The following SLC22A24 variants were observed in gnomAD, a reference collection of about 807,000 sequenced individuals.
SLC22A24 encodes steroid transmembrane transporter SLC22A24.
Under a neutral mutation model 49.8 loss-of-function variants are expected in SLC22A24, and 53 were observed. That is an observed-to-expected ratio of 1.06 (90% CI 0.85 to 1.34). The LOEUF is 1.34. Ranked by LOEUF, SLC22A24 falls within the 40% of genes most tolerant of loss-of-function variation. SLC22A24 has a pLI of 0.00. For synonymous variants in SLC22A24, 302 were observed against 256.4 expected (o/e 1.18, Z -1.70); for missense variants, 786 against 675.9 (o/e 1.16, Z -1.81).
At chr11:63,127,631 C>A (rs1439044749) in intron 2 of SLC22A24, among the ~76,000 whole-genome samples, 2 of 152,218 alleles carry the variant, frequency 1.3e-5, no homozygotes, top group Non-Finnish European at 2.9e-5. Context: ...CACATCCTCT[C>A]CAGCACCTGT....
intron 2 of SLC22A24, among the ~76,000 whole-genome samples, chr11:63,134,312 C>G (rs2087357880): frequency 6.6e-6 from 1 of 152,122 alleles, no homozygotes; most frequent in East Asian, 1.9e-4. Flanking sequence ...AGACCCGAAG[C>G]ACCTCCTGCC....
chr11:63,131,735 G>A (rs908472849), intron 2 of SLC22A24, among the ~76,000 whole-genome samples: 3 of 152,064 alleles, frequency 2.0e-5, no homozygotes, highest in Non-Finnish European at 4.4e-5. Flanking sequence ...TTCTACCTTG[G>A]TGAATCTGAC....
intron 4 of SLC22A24, among the ~76,000 whole-genome samples, chr11:63,112,498 G>A (rs2087173437): frequency 6.6e-6 from 1 of 151,986 alleles, no homozygotes; most frequent in Non-Finnish European, 1.5e-5. Context: ...TCTCTTTGTA[G>A]GTCTTCTTTC....
Position 63,088,960 on chromosome 11 carries a change from G to A in SLC22A24, c.1071-5503C>T, listed in dbSNP as rs555998599. 1.3e-4 allele frequency among the ~76,000 whole-genome samples: 20 copies of A among 152,260 alleles called. No homozygotes were observed. The East Asian group carries it at 3.9e-3, about 29-fold the overall frequency. On this transcript the variant is annotated intron_variant, in intron 6 of 9. Transcript: ENST00000612278. ...CAACCTACGATAAATTGGTGTCCCT[G>A]AAAATGATGGGCAGAATGAACCAAA... is the stretch of plus-strand genomic sequence containing the variant.
intron 4 of SLC22A24, among the ~76,000 whole-genome samples, chr11:63,113,338 C>A (rs2087188529): frequency 1.3e-5 from 2 of 150,686 alleles, no homozygotes; most frequent in Admixed American, 1.3e-4. Flanking sequence ...GATGCAGTTT[C>A]TTCATAGCAT....
chr11:63,084,653 A>G (rs972804432), intron 6 of SLC22A24, among the ~76,000 whole-genome samples: 1 of 152,178 alleles, frequency 6.6e-6, no homozygotes, highest in Non-Finnish European at 1.5e-5. Context: ...AGCATCCAAC[A>G]GTTACCAATG....
intron 2 of SLC22A24, among the ~76,000 whole-genome samples, chr11:63,126,430 G>C (rs886901674): frequency 6.6e-6 from 1 of 152,080 alleles, no homozygotes; most frequent in Admixed American, 6.5e-5. Flanking sequence ...TTTCCCCATT[G>C]CTTGTTTTTG....
In SLC22A24 at chr11:63,134,747, G is replaced by T; in HGVS notation, c.424C>A (p.Gln142Lys). 6.4e-7 allele frequency: 1 copy of T among 1,572,534 alleles called. No homozygotes were observed. Among genetic ancestry groups the T allele is most frequent in the East Asian group, 2.3e-5 (1 of 43,016 alleles). ...VTEWDLVCES[Q>K]SLKSMVQSLF... ...GATTGAACCATTGATTTTAGTGACT[G>T]AGATTCACATACCAGGTCCCACTGG... is the stretch of plus-strand genomic sequence containing the variant. Residue 142 changes from glutamine (Q) to lysine (K), a missense_variant, in exon 2 of 10, where the codon CAG becomes AAG. Transcript: ENST00000612278.
chr11:63,128,167 A>G (rs2087306136), intron 2 of SLC22A24, among the ~76,000 whole-genome samples: 1 of 152,050 alleles, frequency 6.6e-6, no homozygotes, highest in Non-Finnish European at 1.5e-5. Context: ...TCATCACTCT[A>G]CAATTATAAC....
chr11:63,131,808 G>A (rs182746742), intron 2 of SLC22A24, among the ~76,000 whole-genome samples: 159 of 152,172 alleles, frequency 1.0e-3, no homozygotes, highest in Admixed American at 3.4e-3. Context: ...TGTATTTCCT[G>A]GATTTGAATG....
intron 4 of SLC22A24, among the ~76,000 whole-genome samples, chr11:63,106,638 G>A (rs989039095): frequency 1.3e-5 from 2 of 152,158 alleles, no homozygotes; most frequent in African/African-American, 4.8e-5. Flanking sequence ...GTGTTAGATG[G>A]TATCGCATCA....
chr11:63,086,120 C>A (rs2086985720), intron 6 of SLC22A24, among the ~76,000 whole-genome samples: 1 of 152,194 alleles, frequency 6.6e-6, no homozygotes, highest in African/African-American at 2.4e-5. Context: ...TCGTGGAAAG[C>A]AGTATGGTGA....
chr11:63,104,095 A>G (rs1250015244), intron 5 of SLC22A24, 80 bp downstream of exon 5: 1 of 1,438,444 alleles, frequency 7.0e-7, no homozygotes. Context: ...TAATTCTGTC[A>G]CTCCAGGAAC....
At chr11:63,113,047 T>TAC (rs2087180316) in intron 4 of SLC22A24, among the ~76,000 whole-genome samples, 1 of 5,626 alleles carries the variant, frequency 1.8e-4, no homozygotes, top group African/African-American at 2.1e-4. Flanking sequence ...TATATATATA[T>TAC]ATATATACAT....
chr11:63,085,623 G>T (rs2086982918), intron 6 of SLC22A24, among the ~76,000 whole-genome samples: 1 of 152,082 alleles, frequency 6.6e-6, no homozygotes, highest in Non-Finnish European at 1.5e-5. Context: ...AACAAATAAA[G>T]AAATAAAAAG....
chr11:63,120,299 G>C (rs1002942542), intron 2 of SLC22A24, among the ~76,000 whole-genome samples: 1 of 113,620 alleles, frequency 8.8e-6, no homozygotes, highest in African/African-American at 3.5e-5. Context: ...TCTGGGGACT[G>C]TTGTGGGGTG....
intron 4 of SLC22A24, chr11:63,116,462 A>C (rs2087214016): frequency 6.5e-6 from 1 of 154,978 alleles, no homozygotes; most frequent in Admixed American, 6.5e-5. Context: ...TTGATAAATC[A>C]ACTATTAATC....
chr11:63,090,918 A>G (rs1390861413), intron 6 of SLC22A24, among the ~76,000 whole-genome samples: 2 of 152,102 alleles, frequency 1.3e-5, no homozygotes, highest in Non-Finnish European at 2.9e-5. Flanking sequence ...GAAGACAAGA[A>G]TTAAGAAATA....
intron 6 of SLC22A24, among the ~76,000 whole-genome samples, chr11:63,092,088 A>T (rs1203870238): frequency 1.3e-5 from 2 of 152,152 alleles, no homozygotes; most frequent in African/African-American, 4.8e-5. Flanking sequence ...AAAAGTCACA[A>T]GCATTCCTAT....
Sources: allele counts gnomAD v4.1 joint callset (sites outside exome capture counted in the v4.1 genomes callset), GRCh38; gene constraint gnomAD v4.1.1; transcripts MANE v1.5; gene names NCBI Gene and HGNC (gene_info 2026-07-23, HGNC 2026-07-21).